SERPINB7: variants seen among roughly 807,000 people sequenced by gnomAD.
SERPINB7 encodes the protein serpin family B member 7.
A neutral mutation model predicts 37.4 loss-of-function variants in SERPINB7; 31 were observed. The ratio of observed to expected loss-of-function variants is 0.83; its 90% CI spans 0.62 to 1.12. SERPINB7 has a LOEUF of 1.12. Ranked by LOEUF, SERPINB7 falls within the 50% of genes most tolerant of loss-of-function variation. The pLI, the probability that SERPINB7 is intolerant of heterozygous loss-of-function variation, is 0.00. For missense variants in SERPINB7, 521 were observed against 455.3 expected, an observed-to-expected ratio of 1.14 and a Z score of -1.31; for synonymous variants, 163 against 166.1, an observed-to-expected ratio of 0.98 and a Z score of 0.14.
chr18:63,803,971 G>A (rs2049577515), intron 7 of SERPINB7, among the ~76,000 whole-genome samples: 1 of 152,176 alleles, frequency 6.6e-6, no homozygotes, highest in South Asian at 2.1e-4. Flanking sequence ...ATCTGCTCAT[G>A]GGTGAGCAGA....
chr18:63,786,618 T>C (rs200264901), intron 2 of SERPINB7, among the ~76,000 whole-genome samples: 91,912 of 151,730 alleles, frequency 0.61, 29,141 homozygotes, highest in African/African-American at 0.79. Flanking sequence ...CATAGTATCT[T>C]TTTTTTTAAA....
chr18:63,798,156 C>A (rs1404173889), intron 5 of SERPINB7, among the ~76,000 whole-genome samples: 1 of 152,134 alleles, frequency 6.6e-6, no homozygotes, highest in African/African-American at 2.4e-5. Flanking sequence ...TAGCATCCAG[C>A]AAAAATTTCA....
In SERPINB7 at chr18:63,775,472, A is replaced by C. The variant is rs746850025; in HGVS notation, c.-263A>C. The C allele has an allele frequency of 2.0e-5, 3 of 152,172 alleles. No homozygotes were observed. The highest frequency in any genetic ancestry group is 2.4e-5 in the African/African-American group (1 of 41,436). 9.4% of individuals were successfully genotyped at this position (152,172 alleles called of 1,614,324 possible). A position where few individuals can be genotyped will look rare whatever the true frequency, so the allele number is the denominator to read the frequency against. ...AGGCTGCACCTTTGGACAGCCTTTA[A>C]AACTGAATTCTCAGAATTTTAGAAC... On this transcript the variant is annotated 5_prime_UTR_variant, in exon 1 of 8. Transcript: ENST00000398019.
At chr18:63,756,483 G>A (rs1308239266) in intron 1 of SERPINB7, among the ~76,000 whole-genome samples, 3 of 152,110 alleles carry the variant, frequency 2.0e-5, no homozygotes, top group Non-Finnish European at 4.4e-5. Context: ...ATCAAATGAG[G>A]ACACAGCAAT....
rs558408665 is a variant in SERPINB7, at chr18:63,766,360, G to A, written c.-19+13240G>A. ...GTATTAACATTCTTGGATACAGTGTGTATGTTTGTTTACCAAATTCCTGTT... is the reference window on the plus strand; with the variant it reads ...GTATTAACATTCTTGGATACAGTGTATATGTTTGTTTACCAAATTCCTGTT... On this transcript the variant is annotated intron_variant, in intron 1 of 7. Transcript: ENST00000336429. 2.0e-5 allele frequency among the ~76,000 whole-genome samples: 3 copies of A among 152,258 alleles called. No homozygotes were observed. The South Asian group carries it at 6.2e-4, about 32-fold the overall frequency.
At chr18:63,769,112 A>G (rs569308409) in intron 1 of SERPINB7, among the ~76,000 whole-genome samples, 3 of 152,302 alleles carry the variant, frequency 2.0e-5, no homozygotes, top group South Asian at 2.1e-4. Context: ...TTGGGTAAAT[A>G]ACTTGGAGTT....
chr18:63,756,616 T>C (rs2049123415), intron 1 of SERPINB7, among the ~76,000 whole-genome samples: 1 of 152,170 alleles, frequency 6.6e-6, no homozygotes, highest in Non-Finnish European at 1.5e-5. Flanking sequence ...GGGTGGAGGA[T>C]AGGTAGAGGT....
intron 1 of SERPINB7, among the ~76,000 whole-genome samples, chr18:63,756,581 C>T (rs1185507851): frequency 6.6e-6 from 1 of 152,150 alleles, no homozygotes; most frequent in Non-Finnish European, 1.5e-5. Flanking sequence ...GGGCCCAGGT[C>T]TCCACTCCAT....
chr18:63,764,051 A>G (rs1327550777), intron 1 of SERPINB7, among the ~76,000 whole-genome samples: 1 of 152,226 alleles, frequency 6.6e-6, no homozygotes, highest in Non-Finnish European at 1.5e-5. Context: ...TGCCATTTCT[A>G]TGGTATGAGC....
rs2049579919 is a variant in SERPINB7, at chr18:63,804,217, T to C, written c.745-20T>C. On this transcript the variant is annotated intron_variant, in intron 7 of 7. Coordinates refer to ENST00000398019, the MANE Select transcript of SERPINB7 (RefSeq NM_003784.4). ...CACTTGACCATATGATTCTAAATTA[T>C]CTCTGAATTATTTTTACAGATTGAA... 6.7e-7 allele frequency: 1 copy of C among 1,502,720 alleles called. No individual in the cohort carries two copies. Among genetic ancestry groups the C allele is most frequent in the Non-Finnish European group, 8.9e-7 (1 of 1,119,456 alleles). 93.1% of individuals were successfully genotyped at this position (1,502,720 alleles called of 1,614,324 possible). A position where few individuals can be genotyped will look rare whatever the true frequency, so the allele number is the denominator to read the frequency against.
At chr18:63,803,327 C>G (rs2049569967) in intron 7 of SERPINB7, among the ~76,000 whole-genome samples, 1 of 151,862 alleles carries the variant, frequency 6.6e-6, no homozygotes. Flanking sequence ...TCAAATTAGA[C>G]TAAATTTGAT....
At chr18:63,765,623 T>A (rs1452360674) in intron 1 of SERPINB7, among the ~76,000 whole-genome samples, 1 of 151,804 alleles carries the variant, frequency 6.6e-6, no homozygotes, top group Non-Finnish European at 1.5e-5. Context: ...CCTATGCCAC[T>A]CTTCTTGCTG....
chr18:63,779,076 C>A (rs1466626107), intron 1 of SERPINB7, among the ~76,000 whole-genome samples: 1 of 152,164 alleles, frequency 6.6e-6, no homozygotes, highest in African/African-American at 2.4e-5. Context: ...TGGTGTCACA[C>A]TGACATCTTC....
intron 5 of SERPINB7, among the ~76,000 whole-genome samples, chr18:63,798,200 A>G (rs1465062665): frequency 6.6e-6 from 1 of 152,320 alleles, no homozygotes; most frequent in South Asian, 2.1e-4. Flanking sequence ...TTACCTTTCA[A>G]TGGATTGAAG....
At chr18:63,788,771 T>C (rs985203913) in intron 2 of SERPINB7, among the ~76,000 whole-genome samples, 1 of 152,236 alleles carries the variant, frequency 6.6e-6, no homozygotes, top group Admixed American at 6.5e-5. Context: ...TTCTTAGATG[T>C]ATTTAATACA....
chr18:63,784,349 A>G (rs1365932070), intron 2 of SERPINB7, among the ~76,000 whole-genome samples: 1 of 152,194 alleles, frequency 6.6e-6, no homozygotes, highest in African/African-American at 2.4e-5. Context: ...TACCCGCAGC[A>G]TACCCCTCCC....
chr18:63,780,632 A>T (rs2049292304), intron 1 of SERPINB7, among the ~76,000 whole-genome samples: 1 of 152,192 alleles, frequency 6.6e-6, no homozygotes, highest in Admixed American at 6.5e-5. Flanking sequence ...TAAAATCAAC[A>T]TACATTTTTT....
intron 6 of SERPINB7, among the ~76,000 whole-genome samples, chr18:63,800,309 G>T (rs1319402710): frequency 6.6e-6 from 1 of 151,770 alleles, no homozygotes; most frequent in African/African-American, 2.4e-5. Flanking sequence ...TAGTCCTCTT[G>T]CCTGGACCTC....
rs1200340375 is a variant in SERPINB7, at chr18:63,783,186, AAGAGAGAGAGAGAGAGAGAGAGAG to A, written c.168+672_168+695del. On this transcript the variant is annotated intron_variant, in intron 2 of 7. Transcript: ENST00000398019. ...CAAAAAGAAAATAAAGAAAGAAAGA[AAGAGAGAGAGAGAGAGAGAGAGAG>A]AGAGAGAGAGAGAGAGAGAGAGAGA... is the stretch of plus-strand genomic sequence containing the variant. 6.3e-3 allele frequency among the ~76,000 whole-genome samples: 471 copies of A among 75,286 alleles called. 9 individuals carry two copies. The highest frequency in any genetic ancestry group is 0.029 in the Middle Eastern group (5 of 170). The allele number at this position is 75,286 out of a possible 152,430, so 49.4% of individuals were successfully genotyped here. A position where few individuals can be genotyped will look rare whatever the true frequency, so the allele number is the denominator to read the frequency against.
Sources: gnomAD v4.1 joint callset for allele counts (sites outside exome capture counted in the v4.1 genomes callset) on GRCh38, gnomAD v4.1.1 for gene constraint, MANE v1.5 for transcripts, NCBI Gene and HGNC (gene_info 2026-07-23, HGNC 2026-07-21) for gene names.